Variants in PDE1C observed in about 807,000 individuals in gnomAD.
PDE1C encodes dual specificity calcium/calmodulin-dependent 3',5'-cyclic nucleotide phosphodiesterase 1C.
A neutral mutation model predicts 93.1 loss-of-function variants in PDE1C; 62 were observed. That is an observed-to-expected ratio of 0.67 (90% CI 0.54 to 0.82). The LOEUF (loss-of-function observed/expected upper bound fraction) is 0.82. Among genes scored for constraint, PDE1C ranks in the 40% least tolerant of loss-of-function variants. PDE1C has a pLI of 0.00. For missense variants in PDE1C, 742 were observed against 884.6 expected, an observed-to-expected ratio of 0.84 and a Z score of 2.04; for synonymous variants, 325 against 310.1, an observed-to-expected ratio of 1.05 and a Z score of -0.50.
chr7:31,648,812 G>A, the PDE1C span, among the ~76,000 whole-genome samples: 1 of 152,216 alleles, frequency 6.6e-6, no homozygotes, highest in African/African-American at 2.4e-5. Flanking sequence ...CTTGTGTTCA[G>A]CTATACTGTG....
intron 7 of PDE1C, among the ~76,000 whole-genome samples, chr7:31,856,323 G>A (rs1001910045): frequency 6.6e-6 from 1 of 152,212 alleles, no homozygotes; most frequent in African/African-American, 2.4e-5. Context: ...CAAAGAGAGA[G>A]TAGGTAGGAA....
At chr7:32,205,953 A>G (rs1205970228) in intron 2 of PDE1C, among the ~76,000 whole-genome samples, 6 of 152,192 alleles carry the variant, frequency 3.9e-5, no homozygotes, top group Admixed American at 3.3e-4. Context: ...TGTAACACTC[A>G]CCAGGTGGGT....
chr7:32,221,763 A>T (rs2128854773), intron 1 of PDE1C, among the ~76,000 whole-genome samples: 1 of 152,262 alleles, frequency 6.6e-6, no homozygotes, highest in African/African-American at 2.4e-5. Context: ...AATAACTGTT[A>T]ACATCACGAC....
At chr7:32,187,628 G>A (rs1035645930) in intron 2 of PDE1C, among the ~76,000 whole-genome samples, 12 of 147,242 alleles carry the variant, frequency 8.1e-5, no homozygotes, top group East Asian at 3.9e-4. Context: ...CTTCTTTAAC[G>A]TAACAATTTA....
chr7:32,061,999 C>T (rs1473498403), intron 1 of PDE1C, among the ~76,000 whole-genome samples: 1 of 152,128 alleles, frequency 6.6e-6, no homozygotes. Flanking sequence ...GATTATATCT[C>T]CAGACCTGTT....
chr7:32,328,465 TC>T (rs1216316225), intron 1 of PDE1C, among the ~76,000 whole-genome samples: 1 of 152,208 alleles, frequency 6.6e-6, no homozygotes, highest in African/African-American at 2.4e-5. Context: ...CCCTGCATGA[TC>T]TGCCTGCTGC....
chr7:32,400,270 G>T (rs1288894840), intron 1 of PDE1C, among the ~76,000 whole-genome samples: 1 of 152,192 alleles, frequency 6.6e-6, no homozygotes, highest in Non-Finnish European at 1.5e-5. Flanking sequence ...TTAATAGCAT[G>T]AATGGACAAA....
chr7:31,925,531 G>C (rs1803262106), intron 2 of PDE1C, among the ~76,000 whole-genome samples: 1 of 152,016 alleles, frequency 6.6e-6, no homozygotes, highest in Non-Finnish European at 1.5e-5. Context: ...GTTTTAAAAA[G>C]TATTTACATT....
chr7:32,036,540 T>A (rs2128648183), intron 2 of PDE1C, among the ~76,000 whole-genome samples: 1 of 152,184 alleles, frequency 6.6e-6, no homozygotes, highest in South Asian at 2.1e-4. Context: ...AGAAGATTTT[T>A]AAAAACATTA....
intron 2 of PDE1C, among the ~76,000 whole-genome samples, chr7:31,975,872 A>T (rs2129053671): frequency 6.6e-6 from 1 of 152,310 alleles, no homozygotes; most frequent in Non-Finnish European, 1.5e-5. Flanking sequence ...TAAGAACCAC[A>T]TCACTGATTT....
chr7:32,238,892 T>C (rs190079203), intron 1 of PDE1C, among the ~76,000 whole-genome samples: 3 of 152,202 alleles, frequency 2.0e-5, no homozygotes, highest in African/African-American at 7.2e-5. Context: ...GGAAATGTTA[T>C]TTCCTCAGGG....
chr7:32,192,291 C>G (rs532841331), intron 2 of PDE1C, among the ~76,000 whole-genome samples: 1 of 152,150 alleles, frequency 6.6e-6, no homozygotes, highest in South Asian at 2.1e-4. Context: ...AGTCCTAAGT[C>G]CCAAAGATTT....
At chr7:31,622,428 A>G in the PDE1C span, among the ~76,000 whole-genome samples, 1 of 152,074 alleles carries the variant, frequency 6.6e-6, no homozygotes, top group Non-Finnish European at 1.5e-5. Flanking sequence ...CAGTGCAATC[A>G]AACTAGAACT....
intron 2 of PDE1C, among the ~76,000 whole-genome samples, chr7:32,041,352 T>C (rs1336082360): frequency 1.3e-5 from 2 of 152,114 alleles, no homozygotes; most frequent in African/African-American, 4.8e-5. Flanking sequence ...GGGCAAAGAC[T>C]ACAGACACAC....
intron 3 of PDE1C, among the ~76,000 whole-genome samples, chr7:32,114,248 A>T (rs1265476886): frequency 6.6e-6 from 1 of 152,202 alleles, no homozygotes; most frequent in Non-Finnish European, 1.5e-5. Flanking sequence ...TAACCAAAAC[A>T]ATATGGTACT....
intron 15 of PDE1C, 43 bp from the exon 16 acceptor site, chr7:31,809,151 AG>A (rs747644726): frequency 1.9e-6 from 2 of 1,073,470 alleles, no homozygotes; most frequent in Non-Finnish European, 2.9e-6. Context: ...TATGCAGCTG[AG>A]GGGGTTGTTA....
chr7:32,085,922 C>T (rs1207108308), intron 3 of PDE1C, among the ~76,000 whole-genome samples: 2 of 148,794 alleles, frequency 1.3e-5, no homozygotes, highest in South Asian at 4.4e-4. Context: ...AAACTGGAAG[C>T]ATTCCCTTTG....
chr7:32,179,310 A>G (rs1803226728), intron 2 of PDE1C, among the ~76,000 whole-genome samples: 1 of 140,376 alleles, frequency 7.1e-6, no homozygotes, highest in Non-Finnish European at 1.5e-5. Context: ...CCCAGGCCGG[A>G]GTGCAGTGGC....
At chr7:32,147,819 T>C (rs1281138230) in intron 3 of PDE1C, among the ~76,000 whole-genome samples, 2 of 151,954 alleles carry the variant, frequency 1.3e-5, no homozygotes, top group East Asian at 3.9e-4. Context: ...GAAAGGGCCT[T>C]AACTGGCTGA....
Sources: gnomAD v4.1 joint callset for allele counts (sites outside exome capture counted in the v4.1 genomes callset) on GRCh38, gnomAD v4.1.1 for gene constraint, MANE v1.5 for transcripts, NCBI Gene and HGNC (gene_info 2026-07-23, HGNC 2026-07-21) for gene names.